DOCK3: variants seen among roughly 807,000 people sequenced by gnomAD.
DOCK3 encodes the protein dedicator of cytokinesis 3.
In DOCK3, 60 loss-of-function variants were observed where a neutral mutation model predicts 265.6. The ratio of observed to expected loss-of-function variants is 0.23; its 90% confidence interval spans 0.18 to 0.28. The LOEUF is 0.28. Ranked by LOEUF, DOCK3 falls within the 10% of genes least tolerant of loss-of-function variation. The pLI, the probability that DOCK3 is intolerant of heterozygous loss-of-function variation, is 1.00. For synonymous variants in DOCK3, 881 were observed against 938.0 expected, an observed-to-expected ratio of 0.94 and a Z score of 1.11; for missense variants, 1,981 against 2,594.3, an observed-to-expected ratio of 0.76 and a Z score of 5.14.
chr3:51,003,270 C>T (rs930128872), intron 5 of DOCK3, among the ~76,000 whole-genome samples: 2 of 152,134 alleles, frequency 1.3e-5, no homozygotes, highest in Non-Finnish European at 2.9e-5. Flanking sequence ...GAAAGTGTGT[C>T]CAGCCTAAGC....
intron 4 of DOCK3, among the ~76,000 whole-genome samples, chr3:50,895,033 A>T (rs1302085673): frequency 6.6e-6 from 1 of 152,084 alleles, no homozygotes; most frequent in Non-Finnish European, 1.5e-5. Context: ...TTAAAGGTGT[A>T]ATTTCTACCA....
chr3:51,235,722 C>T (rs1353354106), intron 19 of DOCK3, among the ~76,000 whole-genome samples: 2 of 152,136 alleles, frequency 1.3e-5, no homozygotes, highest in African/African-American at 4.8e-5. Flanking sequence ...ATTTATTATT[C>T]TCTTCCTTTG....
At chr3:50,812,302 T>C (rs2043805923) in intron 2 of DOCK3, among the ~76,000 whole-genome samples, 1 of 152,116 alleles carries the variant, frequency 6.6e-6, no homozygotes, top group Admixed American at 6.5e-5. Context: ...GTGCTCACAA[T>C]AAAACAATAG....
At chr3:51,051,362 G>A (rs1019250169) in intron 5 of DOCK3, among the ~76,000 whole-genome samples, 2 of 152,196 alleles carry the variant, frequency 1.3e-5, no homozygotes, top group African/African-American at 4.8e-5. Flanking sequence ...TCATTATTTG[G>A]AAACACAACT....
At chr3:50,960,346 ATC>A (rs1285621847) in intron 5 of DOCK3, among the ~76,000 whole-genome samples, 2 of 152,092 alleles carry the variant, frequency 1.3e-5, no homozygotes, top group Non-Finnish European at 2.9e-5. Flanking sequence ...TTTTTTCCAC[ATC>A]TCTGGCAACT....
At chr3:51,228,182 G>A in intron 17 of DOCK3, 94 bp downstream of exon 17, 1 of 1,248,858 alleles carries the variant, frequency 8.0e-7, no homozygotes. Context: ...CACTGGGCAG[G>A]CCAGAAGACC....
intron 14 of DOCK3, among the ~76,000 whole-genome samples, chr3:51,218,105 G>A (rs2089888907): frequency 6.7e-6 from 1 of 149,596 alleles, no homozygotes; most frequent in Non-Finnish European, 1.5e-5. Context: ...ATGACAGCGA[G>A]ACCCCATCTC....
chr3:51,139,252 A>AATGG (rs1329733178), intron 9 of DOCK3, among the ~76,000 whole-genome samples: 22 of 143,840 alleles, frequency 1.5e-4, no homozygotes, highest in African/African-American at 5.4e-4. Context: ...ACTCAACTGC[A>AATGG]GTGGGGGGAG....
At chr3:51,230,503 TTTG>T (rs1223791413) in intron 19 of DOCK3, among the ~76,000 whole-genome samples, 3 of 151,948 alleles carry the variant, frequency 2.0e-5, no homozygotes, top group East Asian at 1.9e-4. Flanking sequence ...ACATTGTCTT[TTTG>T]TTGTTGTTGT....
intron 27 of DOCK3, among the ~76,000 whole-genome samples, chr3:51,296,711 T>C (rs1003320181): frequency 3.9e-5 from 6 of 152,182 alleles, no homozygotes; most frequent in South Asian, 4.2e-4. Context: ...CTCCTGACCT[T>C]GTGATCCGCC....
intron 1 of DOCK3, among the ~76,000 whole-genome samples, chr3:50,763,544 A>C (rs2040663980): frequency 6.6e-6 from 1 of 152,042 alleles, no homozygotes; most frequent in Non-Finnish European, 1.5e-5. Flanking sequence ...CGGCCCCCCA[A>C]AGTGCTGGGA....
intron 33 of DOCK3, 68 bp from the exon 34 acceptor site, chr3:51,332,933 G>A (rs1455546757): frequency 1.2e-6 from 2 of 1,601,068 alleles, no homozygotes; most frequent in East Asian, 4.5e-5. Flanking sequence ...GGAAATAGAA[G>A]ATGTGTTTTC....
At chr3:51,342,892 G>A (rs2085330902) in intron 38 of DOCK3, among the ~76,000 whole-genome samples, 2 of 152,252 alleles carry the variant, frequency 1.3e-5, no homozygotes, top group South Asian at 2.1e-4. Flanking sequence ...TTCTGGAGGA[G>A]CAGAGTCTAT....
chr3:50,970,947 A>AT (rs1559878895), intron 5 of DOCK3, among the ~76,000 whole-genome samples: 54 of 53,220 alleles, frequency 1.0e-3, no homozygotes, highest in Admixed American at 3.0e-3. Flanking sequence ...ATATATATAT[A>AT]ATGTGTGTGT....
intron 2 of DOCK3, among the ~76,000 whole-genome samples, chr3:50,796,685 CAG>C (rs2108643001): frequency 6.6e-6 from 1 of 152,218 alleles, no homozygotes; most frequent in South Asian, 2.1e-4. Context: ...TTTGAGTTGT[CAG>C]AGTTATTGCA....
At chr3:50,862,020 C>T (rs141298379) in intron 3 of DOCK3, among the ~76,000 whole-genome samples, 4 of 152,218 alleles carry the variant, frequency 2.6e-5, no homozygotes, top group African/African-American at 7.2e-5. Flanking sequence ...TCATATGATA[C>T]GTGAGCTTTA....
intron 2 of DOCK3, among the ~76,000 whole-genome samples, chr3:50,805,812 T>C (rs1020820151): frequency 2.0e-5 from 3 of 152,126 alleles, no homozygotes; most frequent in Admixed American, 6.5e-5. Context: ...GGAGGTGGTT[T>C]ACTGGGTTTC....
chr3:51,107,703 C>G (rs1240344121), intron 9 of DOCK3, among the ~76,000 whole-genome samples: 1 of 152,194 alleles, frequency 6.6e-6, no homozygotes, highest in Non-Finnish European at 1.5e-5. Context: ...GAGATTGAAT[C>G]TGCAACTCAC....
intron 5 of DOCK3, among the ~76,000 whole-genome samples, chr3:50,964,673 C>A: frequency 6.6e-6 from 1 of 151,832 alleles, no homozygotes; most frequent in Non-Finnish European, 1.5e-5. Flanking sequence ...TTTTGAGTCT[C>A]CAAAAAGGGA....
Sources: allele counts gnomAD v4.1 joint callset (sites outside exome capture counted in the v4.1 genomes callset), GRCh38; gene constraint gnomAD v4.1.1; transcripts MANE v1.5; gene names NCBI Gene and HGNC (gene_info 2026-07-23, HGNC 2026-07-21).